Variants in EYS observed in about 807,000 individuals in gnomAD.
EYS encodes EGF-like photoreceptor maintenance factor, also known as protein eyes shut homolog.
Under a neutral mutation model 282.1 loss-of-function variants are expected in EYS, and 250 were observed. The observed-to-expected ratio is 0.89, with a 90% CI of 0.80 to 0.98. The LOEUF (loss-of-function observed/expected upper bound fraction) is 0.98. EYS is among the 50% of genes least tolerant of loss of function. The pLI is 0.00. For missense variants in EYS, 4,016 were observed against 3,709.0 expected (o/e 1.08, Z -2.15); for synonymous variants, 1,355 against 1,282.9 (o/e 1.06, Z -1.20).
At chr6:63,731,907 G>A (rs1242339714) in intron 41 of EYS, among the ~76,000 whole-genome samples, 4 of 152,120 alleles carry the variant, frequency 2.6e-5, no homozygotes. Flanking sequence ...TATAAGGCTA[G>A]GTTTTGTGGT....
intron 29 of EYS, among the ~76,000 whole-genome samples, chr6:64,310,136 G>T (rs143694852): frequency 2.0e-5 from 3 of 151,936 alleles, no homozygotes; most frequent in Non-Finnish European, 4.4e-5. Flanking sequence ...CCATTGGTGG[G>T]TGTGTAAATT....
rs193047044 is a variant in EYS at position 65,673,268 on chromosome 6, T to C, written c.-447-33376A>G. Among the ~76,000 whole-genome samples the C allele has an allele frequency of 1.1e-3, 171 of 152,116 alleles. 1 individual carries two copies. The highest frequency in any genetic ancestry group is 3.4e-3 in the Middle Eastern group (1 of 294). On this transcript the variant is annotated intron_variant, in intron 1 of 42. Transcript: ENST00000503581. ...TGGGCGATGTTTCTCAGGGCTGCTG[T>C]CAGTGGGATTGGGGCAGCGTGGGAA...
At chr6:65,466,904 C>T (rs1765020321) in intron 5 of EYS, among the ~76,000 whole-genome samples, 1 of 152,166 alleles carries the variant, frequency 6.6e-6, no homozygotes. Context: ...CTCTTAAGGG[C>T]AGTAGCAGCT....
At chr6:64,219,512 A>G (rs1206133523) in intron 31 of EYS, among the ~76,000 whole-genome samples, 1 of 152,224 alleles carries the variant, frequency 6.6e-6, no homozygotes, top group African/African-American at 2.4e-5. Flanking sequence ...AAGAATTTTT[A>G]TAGCAGCATG....
intron 26 of EYS, among the ~76,000 whole-genome samples, chr6:64,470,877 AAGG>A (rs1253023159): frequency 6.6e-6 from 1 of 152,200 alleles, no homozygotes; most frequent in Admixed American, 6.5e-5. Context: ...AGAATTTTAG[AAGG>A]AGATGAGTTG....
intron 23 of EYS, among the ~76,000 whole-genome samples, chr6:64,623,851 C>T (rs1220244265): frequency 6.6e-6 from 1 of 151,962 alleles, no homozygotes; most frequent in Non-Finnish European, 1.5e-5. Context: ...TAAAAATACC[C>T]TGAAACCGTG....
chr6:64,376,912 T>A (rs575806624), intron 29 of EYS, among the ~76,000 whole-genome samples: 10 of 152,258 alleles, frequency 6.6e-5, no homozygotes, highest in Admixed American at 1.3e-4. Flanking sequence ...CTGGCTGATA[T>A]CCTTGACTAC....
At chr6:64,071,997 T>TA (rs1771598852) in intron 32 of EYS, among the ~76,000 whole-genome samples, 2 of 151,586 alleles carry the variant, frequency 1.3e-5, no homozygotes, top group African/African-American at 4.8e-5. Flanking sequence ...CGGGGGGACA[T>TA]AAAAAATCCA....
chr6:65,518,321 C>T (rs556561871), intron 2 of EYS, among the ~76,000 whole-genome samples: 3 of 152,130 alleles, frequency 2.0e-5, no homozygotes, highest in South Asian at 4.1e-4. Context: ...TGGTTTTCAC[C>T]TCCAACTTTC....
At chr6:64,417,001 T>G (rs191553824) in intron 28 of EYS, among the ~76,000 whole-genome samples, 53 of 152,308 alleles carry the variant, frequency 3.5e-4, no homozygotes, top group African/African-American at 1.2e-3. Flanking sequence ...GTAGTAGAAC[T>G]CTGGTTGTCC....
intron 12 of EYS, among the ~76,000 whole-genome samples, chr6:65,209,700 G>A (rs981784083): frequency 6.6e-5 from 10 of 151,914 alleles, no homozygotes; most frequent in Admixed American, 3.9e-4. Context: ...GAAGTGCAAT[G>A]CGTTACAAGA....
Position 63,885,163 on chromosome 6 carries a change from G to A in EYS, c.7056-20805C>T, listed in dbSNP as rs141407238. Among the ~76,000 whole-genome samples the A allele has an allele frequency of 5.2e-3, 791 of 152,238 alleles. 9 individuals carry two copies. The highest frequency in any genetic ancestry group is 0.017 in the African/African-American group (705 of 41,550). On this transcript the variant is annotated intron_variant, in intron 35 of 42. Transcript: ENST00000503581. ...AATTAAGCTTTTCATGGAGTGCACTGGTAATGCTCATATAACATGAAGCAC... is the reference window on the plus strand; with the variant it reads ...AATTAAGCTTTTCATGGAGTGCACTAGTAATGCTCATATAACATGAAGCAC...
chr6:64,046,011 A>G (rs1770609741), intron 33 of EYS, among the ~76,000 whole-genome samples: 1 of 147,608 alleles, frequency 6.8e-6, no homozygotes, highest in South Asian at 2.1e-4. Context: ...TATGTAATCT[A>G]TAATAAATAT....
At chr6:64,815,318 C>T in intron 21 of EYS, 2 of 334,362 alleles carry the variant, frequency 6.0e-6, no homozygotes, top group Middle Eastern at 3.9e-4. Flanking sequence ...CAGAATTCCA[C>T]AGGGAGTGGC....
chr6:63,771,101 G>A (rs533549416), intron 40 of EYS, among the ~76,000 whole-genome samples: 43 of 152,254 alleles, frequency 2.8e-4, no homozygotes, highest in African/African-American at 9.4e-4. Flanking sequence ...TATGTTAACA[G>A]TTGCACTCAG....
intron 22 of EYS, among the ~76,000 whole-genome samples, chr6:64,803,510 T>C (rs1325275217): frequency 6.6e-6 from 1 of 152,168 alleles, no homozygotes; most frequent in Non-Finnish European, 1.5e-5. Context: ...CCTGGCCCCA[T>C]GCTTCACGCC....
chr6:65,317,777 T>TCTTCCTTCCTTC (rs911036026), intron 11 of EYS, among the ~76,000 whole-genome samples: 719 of 57,390 alleles, frequency 0.013, 33 homozygotes, highest in Middle Eastern at 0.034. Flanking sequence ...CTACATTTTC[T>TCTTCCTTCCTTC]CTTCCTTCCT....
chr6:65,602,595 C>T (rs1299347472), intron 2 of EYS, among the ~76,000 whole-genome samples: 1 of 151,878 alleles, frequency 6.6e-6, no homozygotes, highest in Non-Finnish European at 1.5e-5. Flanking sequence ...CAAAAACATT[C>T]TAAATGCTGG....
intron 5 of EYS, among the ~76,000 whole-genome samples, chr6:65,407,620 C>T (rs938478033): frequency 6.6e-6 from 1 of 152,058 alleles, no homozygotes; most frequent in South Asian, 2.1e-4. Flanking sequence ...AGTCTGAAAA[C>T]GGTATAAACC....
Sources: gnomAD v4.1 joint callset for allele counts (sites outside exome capture counted in the v4.1 genomes callset) on GRCh38, gnomAD v4.1.1 for gene constraint, MANE v1.5 for transcripts, NCBI Gene and HGNC (gene_info 2026-07-23, HGNC 2026-07-21) for gene names.